The following INTS8 variants were observed in gnomAD, a reference collection of about 807,000 sequenced individuals.
INTS8 encodes integrator complex subunit 8.
In INTS8, 47 loss-of-function variants were observed where a neutral mutation model predicts 138.9. The observed-to-expected ratio is 0.34, with a 90% confidence interval of 0.27 to 0.43. INTS8 has a LOEUF of 0.43. Ranked by LOEUF, INTS8 falls within the 20% of genes least tolerant of loss-of-function variation. The pLI is 1.00. For synonymous variants in INTS8, 392 were observed against 400.9 expected (o/e 0.98, Z 0.27); for missense variants, 996 against 1,173.0 (o/e 0.85, Z 2.20).
At chr8:94,872,552 T>A (rs1816435417) in intron 21 of INTS8, among the ~76,000 whole-genome samples, 1 of 152,202 alleles carries the variant, frequency 6.6e-6, no homozygotes, top group Non-Finnish European at 1.5e-5. Context: ...TTAAATCTAA[T>A]TAATCTTTAA....
At chr8:94,844,141 C>A (rs1490881385) in intron 10 of INTS8, among the ~76,000 whole-genome samples, 1 of 151,242 alleles carries the variant, frequency 6.6e-6, no homozygotes, top group Non-Finnish European at 1.5e-5. Context: ...CAGGTTCAAG[C>A]GATTCTCCTG....
intron 10 of INTS8, among the ~76,000 whole-genome samples, chr8:94,848,099 C>T (rs960201428): frequency 1.1e-4 from 17 of 151,146 alleles, no homozygotes; most frequent in Non-Finnish European, 2.1e-4. Context: ...ACCTCTGCCT[C>T]CTGGGTTGAA....
chr8:94,842,457 C>T lies in INTS8; in HGVS notation c.1229C>T (p.Pro410Leu), dbSNP rs370672430. 2.5e-6 allele frequency: 4 copies of T among 1,602,306 alleles called. No individual in the cohort carries two copies. Among genetic ancestry groups the T allele is most frequent in the Non-Finnish European group, 3.4e-6 (4 of 1,171,446 alleles). Residue 410 changes from proline to leucine, a missense_variant, in exon 10 of 27, where the codon CCA becomes CTA. Pro to Leu is a moderately conservative substitution (Grantham distance 98). Coordinates refer to ENST00000523731, the MANE Select transcript of INTS8 (RefSeq NM_017864.4). ...SVQFNQLFLRPNKEKIDFLLE... is the reference protein window; with the variant it reads ...SVQFNQLFLRLNKEKIDFLLE... Reference sequence around the variant, plus strand: ...CAATTTAACCAGCTATTTCTTAGACCAAATAAAGAGAAAATAGACTTTCTT... The same window carrying T: ...CAATTTAACCAGCTATTTCTTAGACTAAATAAAGAGAAAATAGACTTTCTT...
Position 94,832,144 on chromosome 8 carries a change from G to A in INTS8, c.723G>A (p.Leu241=). 6.2e-7 allele frequency: 1 copy of A among 1,612,530 alleles called. No individual in the cohort carries two copies. The highest frequency in any genetic ancestry group is 8.5e-7 in the Non-Finnish European group (1 of 1,179,658). ...NGETESSTAG[L]KVKTEEMQCQ... ...AAACTGAGAGTTCTACTGCTGGATTGAAAGTCAAAACCGAAGAAATGCAGT... is the reference window on the plus strand; with the variant it reads ...AAACTGAGAGTTCTACTGCTGGATTAAAAGTCAAAACCGAAGAAATGCAGT... Residue 241 remains leucine (L), a synonymous_variant, in exon 6 of 27, where the codon TTG becomes TTA. Transcript: ENST00000523731.
chr8:94,838,560 C>T lies in INTS8; in HGVS notation c.959C>T (p.Ser320Phe), dbSNP rs755022101. The change falls in exon 8 of 27, where the codon TCT becomes TTT. Residue 320 changes from serine (S) to phenylalanine (F), a missense_variant. By Grantham distance (155) the Ser-to-Phe change is radical. Coordinates refer to ENST00000523731, the MANE Select transcript of INTS8 (RefSeq NM_017864.4). ...CTTGTACCTTCTTCTGATAGTACAT[C>T]TCAACAGTTGACTCCATATAGTCAA... is the stretch of plus-strand genomic sequence containing the variant. ...DVLVPSSDST[S>F]QQLTPYSQVH... The T allele has an allele frequency of 1.9e-6, 3 of 1,612,784 alleles. No individual in the cohort carries two copies. In the South Asian group the frequency reaches 3.3e-5, roughly 18 times the overall value.
rs878947566 is a variant in INTS8, at chr8:94,880,147, T to C, written c.2901T>C (p.Asn967=). ...AIKAIGQTEL[N]ASNPEEVLQL... is the part of the protein sequence containing the mutation. Reference sequence around the variant, plus strand: ...AAGCCATCGGCCAGACAGAGTTGAATGCAAGCAATCCAGAAGAAGTGTTAC... The same window carrying C: ...AAGCCATCGGCCAGACAGAGTTGAACGCAAGCAATCCAGAAGAAGTGTTAC... The change falls in exon 27 of 27, where the codon AAT becomes AAC. Residue 967 remains asparagine, a synonymous_variant. Coordinates refer to ENST00000523731, the MANE Select transcript of INTS8 (RefSeq NM_017864.4). 1.2e-6 allele frequency: 2 copies of C among 1,611,546 alleles called. No homozygotes were observed. Among genetic ancestry groups the C allele is most frequent in the South Asian group, 1.1e-5 (1 of 90,620 alleles).
chr8:94,881,643 C>T lies in INTS8; in HGVS notation c.*1409C>T, dbSNP rs762832199. On this transcript the variant is annotated 3_prime_UTR_variant, in exon 27 of 27. Coordinates refer to ENST00000523731, the MANE Select transcript of INTS8 (RefSeq NM_017864.4). Reference sequence around the variant, plus strand: ...CTTAGTTATCTTCTTTAGTGTTTTCCTGGTGGTTTTTCAGTGCTCTTCGGT... The same window carrying T: ...CTTAGTTATCTTCTTTAGTGTTTTCTTGGTGGTTTTTCAGTGCTCTTCGGT... 9.9e-6 allele frequency: 16 copies of T among 1,612,858 alleles called. No individual in the cohort carries two copies. The highest frequency in any genetic ancestry group is 1.4e-5 in the Non-Finnish European group (16 of 1,179,584).
At position 94,866,145 on chromosome 8, in the gene INTS8, T is replaced by C; in HGVS notation, c.2262-13T>C. On this transcript the variant is annotated splice_polypyrimidine_tract_variant and intron_variant, in intron 17 of 26. Transcript: ENST00000523731. ...TAATATTAAATGTGTATTCAAAAAT[T>C]TTTGTTTTGTAGGAGTGAACTGCTT... 8.7e-7 allele frequency: 1 copy of C among 1,149,530 alleles called. No individual in the cohort carries two copies. Among genetic ancestry groups the C allele is most frequent in the Non-Finnish European group, 1.3e-6 (1 of 789,632 alleles). 71.2% of individuals were successfully genotyped at this position (1,149,530 alleles called of 1,614,324 possible). A position where few individuals can be genotyped will look rare whatever the true frequency, so the allele number is the denominator to read the frequency against.
intron 6 of INTS8, among the ~76,000 whole-genome samples, chr8:94,833,639 C>T (rs888733478): frequency 1.3e-5 from 2 of 152,116 alleles, no homozygotes; most frequent in Non-Finnish European, 2.9e-5. Flanking sequence ...ATGATACAAC[C>T]TGAAAACAAA....
chr8:94,870,888 G>A (rs1287509211), intron 20 of INTS8, among the ~76,000 whole-genome samples: 4 of 151,946 alleles, frequency 2.6e-5, no homozygotes, highest in African/African-American at 4.8e-5. Context: ...TTTGGGTGCC[G>A]GCCTCGCTTT....
At chr8:94,833,621 C>A (rs77522035) in intron 6 of INTS8, among the ~76,000 whole-genome samples, 2,742 of 152,234 alleles carry the variant, frequency 0.018, 80 homozygotes, top group African/African-American at 0.061. Flanking sequence ...ATTTTTGCAA[C>A]ATGGTGGATG....
intron 15 of INTS8, among the ~76,000 whole-genome samples, chr8:94,858,362 A>G (rs1815830255): frequency 6.6e-6 from 1 of 152,228 alleles, no homozygotes; most frequent in Non-Finnish European, 1.5e-5. Flanking sequence ...AGTACCCTAT[A>G]GAGAGAATGC....
rs1814544278 is a variant in INTS8 at position 94,827,254 on chromosome 8, T to C, written c.306-9T>C. ...TAATGTGCAAACATGTACGTTTTGCTTCTTCAAGTTTGTCTGTTCCAGTAT... is the reference window on the plus strand; with the variant it reads ...TAATGTGCAAACATGTACGTTTTGCCTCTTCAAGTTTGTCTGTTCCAGTAT... On this transcript the variant is annotated splice_polypyrimidine_tract_variant and intron_variant, in intron 2 of 26. Coordinates refer to ENST00000523731, the MANE Select transcript of INTS8 (RefSeq NM_017864.4). 2 of 1,611,676 alleles carry C rather than the reference T, an allele frequency of 1.2e-6. No individual in the cohort carries two copies. The highest frequency in any genetic ancestry group is 2.7e-5 in the African/African-American group (2 of 74,904).
At chr8:94,877,744 G>A (rs904992017) in intron 26 of INTS8, among the ~76,000 whole-genome samples, 2 of 152,104 alleles carry the variant, frequency 1.3e-5, no homozygotes, top group Non-Finnish European at 2.9e-5. Context: ...CTTACTGTCA[G>A]GCACAATTGT....
intron 13 of INTS8, among the ~76,000 whole-genome samples, chr8:94,852,332 T>C (rs1456525589): frequency 6.6e-6 from 1 of 152,202 alleles, no homozygotes; most frequent in East Asian, 1.9e-4. Context: ...ATTTTTGGCT[T>C]TAAATGTTCC....
intron 26 of INTS8, among the ~76,000 whole-genome samples, chr8:94,878,675 C>T (rs1816660304): frequency 6.6e-6 from 1 of 152,190 alleles, no homozygotes; most frequent in African/African-American, 2.4e-5. Context: ...TGTGCCTCCA[C>T]CTCCAGCCCC....
intron 7 of INTS8, among the ~76,000 whole-genome samples, chr8:94,838,137 C>T (rs1586479120): frequency 6.6e-6 from 1 of 151,206 alleles, no homozygotes; most frequent in Middle Eastern, 3.4e-3. Flanking sequence ...ACCTCCACCT[C>T]TCCTCCCGGG....
At chr8:94,877,332 C>T (rs960901466) in intron 26 of INTS8, among the ~76,000 whole-genome samples, 1 of 152,124 alleles carries the variant, frequency 6.6e-6, no homozygotes, top group African/African-American at 2.4e-5. Flanking sequence ...GTCTTTTAAA[C>T]TTTGTACTCG....
intron 14 of INTS8, among the ~76,000 whole-genome samples, chr8:94,855,798 G>T (rs1162993074): frequency 6.6e-6 from 1 of 152,244 alleles, no homozygotes; most frequent in African/African-American, 2.4e-5. Flanking sequence ...TAGGGAGAAA[G>T]AATTGAGCAT....
Sources: allele counts gnomAD v4.1 joint callset (sites outside exome capture counted in the v4.1 genomes callset), GRCh38; gene constraint gnomAD v4.1.1; transcripts MANE v1.5; gene names NCBI Gene and HGNC (gene_info 2026-07-23, HGNC 2026-07-21).